Variants in KARS1 observed in about 807,000 individuals in gnomAD.
The protein encoded by KARS1 is lysine--tRNA ligase.
In KARS1, 50 loss-of-function variants were observed where a neutral mutation model predicts 63.9. The ratio of observed to expected loss-of-function variants is 0.78; its 90% CI spans 0.62 to 0.99. The LOEUF (loss-of-function observed/expected upper bound fraction) is 0.99. Ranked by LOEUF, KARS1 falls within the 50% of genes least tolerant of loss-of-function variation. The pLI is 0.00. For synonymous variants in KARS1, 320 were observed against 264.6 expected, an observed-to-expected ratio of 1.21 and a Z score of -2.03; for missense variants, 816 against 754.5, an observed-to-expected ratio of 1.08 and a Z score of -0.95.
At chr16:75,629,020 G>A (rs2082081440) in intron 12 of KARS1, 1 of 481,556 alleles carries the variant, frequency 2.1e-6, no homozygotes, top group African/African-American at 1.9e-5. Flanking sequence ...AATTACAAGA[G>A]TCTTTCTCCC....
intron 10 of KARS1, 53 bp from the exon 11 acceptor site, chr16:75,630,561 C>T (rs538537204): frequency 8.8e-6 from 10 of 1,133,862 alleles, no homozygotes; most frequent in African/African-American, 4.6e-5. Context: ...AGTATTTGAT[C>T]GTCCCAGCCC....
At chr16:75,644,397 C>G in intron 1 of KARS1, 2 of 1,612,556 alleles carry the variant, frequency 1.2e-6, no homozygotes, top group Non-Finnish European at 1.7e-6. Flanking sequence ...CAGGGACCCC[C>G]TAACAAGCCT....
rs144274136 is a variant in KARS1, at chr16:75,629,481, T to C, written c.1485A>G (p.Ile495Met). The change falls in exon 12 of 14, where the codon ATA (isoleucine) becomes ATG (methionine). Residue 495 changes from isoleucine to methionine, a missense_variant. Ile to Met is a conservative substitution (Grantham distance 10). Transcript: ENST00000302445. ...CATTCAGCTCAGTATACGCATTGCATATCTCTTTCTTCATGACAAACAGCT... is the reference window on the plus strand; with the variant it reads ...CATTCAGCTCAGTATACGCATTGCACATCTCTTTCTTCATGACAAACAGCT... The part of the protein sequence containing the change: ...RFELFVMKKE[I>M]CNAYTELNDP... 6.3e-4 allele frequency: 1,017 copies of C among 1,614,200 alleles called. 1 individual carries two copies. Among genetic ancestry groups the C allele is most frequent in the Non-Finnish European group, 8.2e-4 (973 of 1,179,994 alleles).
intron 6 of KARS1, among the ~76,000 whole-genome samples, chr16:75,634,733 G>A (rs919729221): frequency 1.3e-5 from 2 of 152,190 alleles, no homozygotes; most frequent in East Asian, 1.9e-4. Context: ...CTGCCACCAC[G>A]CCTGGCTAAT....
intron 11 of KARS1, 64 bp downstream of exon 11, chr16:75,630,359 A>C (rs1202226858): frequency 9.4e-7 from 1 of 1,058,812 alleles, no homozygotes; most frequent in African/African-American, 1.6e-5. Context: ...AAATCTTGAC[A>C]ATAAATTGTT....
chr16:75,634,400 G>A, intron 6 of KARS1, 108 bp from the exon 7 acceptor site: 1 of 1,127,178 alleles, frequency 8.9e-7, no homozygotes, highest in East Asian at 2.6e-5. Flanking sequence ...CAAACTAAAT[G>A]TTAATAAGTT....
chr16:75,635,599 C>G (rs2082152587), intron 6 of KARS1, 81 bp downstream of exon 6: 1 of 1,494,644 alleles, frequency 6.7e-7, no homozygotes, highest in African/African-American at 1.4e-5. Flanking sequence ...ACAGGATACG[C>G]TTTGGAAAAG....
At chr16:75,644,563 A>G in intron 1 of KARS1, 1 of 738,386 alleles carries the variant, frequency 1.4e-6, no homozygotes, top group Non-Finnish European at 2.1e-6. Flanking sequence ...TGCTTCTACT[A>G]CCTTTTAGTC....
rs12934451 is a variant in KARS1, at chr16:75,633,319, C to T, written c.915+854G>A. Among the ~76,000 whole-genome samples the T allele has an allele frequency of 4.4e-3, 672 of 152,260 alleles. 1 individual carries two copies. The highest frequency in any genetic ancestry group is 6.9e-3 in the Non-Finnish European group (467 of 68,000). Reference sequence around the variant, plus strand: ...CGTTTTATTCATCCATCGTTTAGGTCAGGGTCTGCAGGCAGACCCCCGCAG... The same window carrying T: ...CGTTTTATTCATCCATCGTTTAGGTTAGGGTCTGCAGGCAGACCCCCGCAG... On this transcript the variant is annotated intron_variant, in intron 7 of 13. Coordinates refer to ENST00000302445, the MANE Select transcript of KARS1 (RefSeq NM_005548.3).
chr16:75,635,091 T>C (rs961041123), intron 6 of KARS1, among the ~76,000 whole-genome samples: 1 of 152,188 alleles, frequency 6.6e-6, no homozygotes, highest in South Asian at 2.1e-4. Context: ...TACAAAGAGA[T>C]CCAGAATATC....
At chr16:75,631,023 G>T in intron 10 of KARS1, 145 bp downstream of exon 10, 1 of 699,880 alleles carries the variant, frequency 1.4e-6, no homozygotes, top group Non-Finnish European at 2.6e-6. Context: ...ACAGTTAAAA[G>T]TCTGTTAATT....
intron 3 of KARS1, among the ~76,000 whole-genome samples, chr16:75,638,806 T>G (rs1286198001): frequency 6.6e-6 from 1 of 151,702 alleles, no homozygotes; most frequent in East Asian, 1.9e-4. Flanking sequence ...ATCAAGATGA[T>G]CCAGTATGCA....
Position 75,641,696 on chromosome 16 carries a change from C to T in KARS1, c.90G>A (p.Glu30=). The T allele has an allele frequency of 2.5e-6, 4 of 1,613,984 alleles. No homozygotes were observed. The highest frequency in any genetic ancestry group is 3.4e-6 in the Non-Finnish European group (4 of 1,180,030). The change falls in exon 2 of 14, where the codon GAG becomes GAA. Residue 30 remains glutamate, a synonymous_variant. Coordinates refer to ENST00000302445, the MANE Select transcript of KARS1 (RefSeq NM_005548.3). ...KNELKRRLKA[E]KKVAEKEAKQ... ...TGGCCTCCTTCTCTGCTACTTTCTT[C>T]TCAGCTTTCAGGCGTCTCTTCAGCT...
intron 6 of KARS1, among the ~76,000 whole-genome samples, chr16:75,634,644 C>T (rs549577869): frequency 9.2e-5 from 14 of 152,240 alleles, no homozygotes; most frequent in East Asian, 1.9e-4. Context: ...AGCGCGATCT[C>T]GGCTCATGGC....
chr16:75,635,620 G>A lies in KARS1; in HGVS notation c.795+60C>T, dbSNP rs758823964. ...TACGCTTTGGAAAAGGAAGGCAAGG[G>A]AGAGGAGGAGGCAAGCATTGCAAGG... On this transcript the variant is annotated intron_variant, in intron 6 of 13. Coordinates refer to ENST00000302445, the MANE Select transcript of KARS1 (RefSeq NM_005548.3). The A allele has an allele frequency of 2.0e-5, 32 of 1,593,486 alleles. No homozygotes were observed. In the Middle Eastern group the frequency reaches 6.4e-4, roughly 32 times the overall value.
At position 75,632,044 on chromosome 16, in the gene KARS1, C is replaced by T. The variant is rs36101987; in HGVS notation, c.916-189G>A. ...CTGGGATTACAGGCATGTGCCACCACGCCTGGCTAATTTTTTTGTATTTTT... is the reference window on the plus strand; with the variant it reads ...CTGGGATTACAGGCATGTGCCACCATGCCTGGCTAATTTTTTTGTATTTTT... On this transcript the variant is annotated intron_variant, in intron 7 of 13. Coordinates refer to ENST00000302445, the MANE Select transcript of KARS1 (RefSeq NM_005548.3). Among the ~76,000 whole-genome samples the T allele has an allele frequency of 0.037, 5,626 of 152,232 alleles. 154 individuals are homozygous for T. Among genetic ancestry groups the T allele is most frequent in the South Asian group, 0.053 (257 of 4,832 alleles).
At chr16:75,645,205 GAAA>G (rs3837756) in intron 1 of KARS1, among the ~76,000 whole-genome samples, 9 of 152,010 alleles carry the variant, frequency 5.9e-5, no homozygotes, top group Admixed American at 6.6e-5. Context: ...ATGTTAATCA[GAAA>G]AAAATTATTT....
At chr16:75,630,562 G>T in intron 10 of KARS1, 54 bp from the exon 11 acceptor site, 2 of 1,132,338 alleles carry the variant, frequency 1.8e-6, no homozygotes, top group African/African-American at 1.5e-5. Context: ...GTATTTGATC[G>T]TCCCAGCCCA....
chr16:75,636,539 G>T lies in KARS1; in HGVS notation c.397C>A (p.His133Asn). The part of the protein sequence containing the change: ...DITLKVAGRI[H>N]AKRASGGKLI... The stretch of plus-strand genomic sequence containing the variant: ...TTTCCCCCAGAAGCTCTTTTGGCAT[G>T]GATCCTACCTAGAAAAAGAAGAGCA... Residue 133 changes from histidine (H) to asparagine (N), a missense_variant, in exon 4 of 14, where the codon CAT becomes AAT. By Grantham distance (68) the His-to-Asn change is moderately conservative. Transcript: ENST00000302445. The T allele has an allele frequency of 6.2e-7, 1 of 1,604,908 alleles. No individual in the cohort carries two copies. The highest frequency in any genetic ancestry group is 1.1e-5 in the South Asian group (1 of 90,914).
Sources: allele counts gnomAD v4.1 joint callset (sites outside exome capture counted in the v4.1 genomes callset), GRCh38; gene constraint gnomAD v4.1.1; transcripts MANE v1.5; gene names NCBI Gene and HGNC (gene_info 2026-07-23, HGNC 2026-07-21).